FAXDC2: variants seen among roughly 807,000 people sequenced by gnomAD.
The protein encoded by FAXDC2 is fatty acid hydroxylase domain-containing protein 2.
A neutral mutation model predicts 40.9 loss-of-function variants in FAXDC2; 41 were observed. The observed-to-expected ratio is 1.00, with a 90% CI of 0.78 to 1.30. The LOEUF is 1.30. FAXDC2 is among the 50% of genes most tolerant of loss of function. The pLI is 0.00. For synonymous variants in FAXDC2, 157 were observed against 149.3 expected (o/e 1.05, Z -0.38); for missense variants, 390 against 408.8 (o/e 0.95, Z 0.40).
chr5:154,846,652 T>G (rs531899773), intron 1 of FAXDC2, among the ~76,000 whole-genome samples: 1 of 152,004 alleles, frequency 6.6e-6, no homozygotes, highest in East Asian at 1.9e-4. Flanking sequence ...CCCAAAGTGT[T>G]AGGATTACAG....
rs372659190 is a variant in FAXDC2, at chr5:154,820,336, A to T, written c.982T>A (p.Ser328Thr). The change falls in exon 9 of 9, where the codon TCC becomes ACC. Residue 328 changes from serine (S) to threonine (T), a missense_variant. Transcript: ENST00000326080. ...FTPLSESIPD[S>T]PKRME ...GTCTCTCACTCCATCCTCTTTGGGG[A>T]GTCTGGGATGCTCTCAGAGAGCGGG... 4.3e-6 allele frequency: 7 copies of T among 1,611,592 alleles called. No homozygotes were observed. The highest frequency in any genetic ancestry group is 5.9e-6 in the Non-Finnish European group (7 of 1,178,852).
At position 154,823,191 on chromosome 5, in the gene FAXDC2, T is replaced by G. The variant is rs548303402; in HGVS notation, c.572+196A>C. ...CATGCCTGGCTAATTTTTTAAATTT[T>G]TTTGTAGAGACGGGGTCTCCTGACA... On this transcript the variant is annotated intron_variant, in intron 6 of 8. Coordinates refer to ENST00000326080, the MANE Select transcript of FAXDC2 (RefSeq NM_032385.5). 1.3e-4 allele frequency: 73 copies of G among 571,706 alleles called. No individual in the cohort carries two copies. In the South Asian group the frequency reaches 1.5e-3, roughly 11 times the overall value. The allele number at this position is 571,706 out of a possible 1,614,324, so 35.4% of individuals were successfully genotyped here.
intron 5 of FAXDC2, 58 bp from the exon 6 acceptor site, chr5:154,823,650 T>G: frequency 1.4e-6 from 2 of 1,424,822 alleles, no homozygotes; most frequent in Non-Finnish European, 2.0e-6. Flanking sequence ...GGCTCCACCG[T>G]GACCTGCTTA....
chr5:154,836,871 C>T (rs577450705), intron 2 of FAXDC2, among the ~76,000 whole-genome samples: 75 of 152,030 alleles, frequency 4.9e-4, no homozygotes, highest in Non-Finnish European at 8.7e-4. Context: ...GATGGGGTTT[C>T]GCCATGTTGG....
At chr5:154,841,139 C>CAG (rs111316669) in intron 1 of FAXDC2, among the ~76,000 whole-genome samples, 24,819 of 151,994 alleles carry the variant, frequency 0.16, 2,601 homozygotes, top group African/African-American at 0.3. Context: ...TACCCAGAGA[C>CAG]GGGAATGGGT....
intron 5 of FAXDC2, chr5:154,824,283 CT>C: frequency 1.7e-6 from 1 of 588,402 alleles, no homozygotes; most frequent in South Asian, 2.0e-5. Flanking sequence ...CCCTTTGACC[CT>C]TCCCTTTGTC....
Position 154,842,523 on chromosome 5 carries a change from T to TG in FAXDC2, c.1-4346_1-4345insC, listed in dbSNP as rs1350143386. Among the ~76,000 whole-genome samples, 89 of 123,186 alleles carry TG rather than the reference T, an allele frequency of 7.2e-4. 1 individual carries two copies. Among genetic ancestry groups the TG allele is most frequent in the African/African-American group, 2.0e-3 (66 of 32,656 alleles). The allele number at this position is 123,186 out of a possible 152,430, so 80.8% of individuals were successfully genotyped here. A position where few individuals can be genotyped will look rare whatever the true frequency, so the allele number is the denominator to read the frequency against. On this transcript the variant is annotated intron_variant, in intron 1 of 8. Transcript: ENST00000326080. ...TCAGCCCTTTGTGTGTTTTTTTTTTTTTTTTTTTTTTTTTTTTGAGACAGA... is the reference window on the plus strand; with the variant it reads ...TCAGCCCTTTGTGTGTTTTTTTTTTTGTTTTTTTTTTTTTTTTTGAGACAGA...
intron 6 of FAXDC2, 70 bp from the exon 7 acceptor site, chr5:154,822,647 A>G (rs1759918007): frequency 7.9e-7 from 1 of 1,259,236 alleles, no homozygotes; most frequent in Non-Finnish European, 1.2e-6. Context: ...ACCATGAGAA[A>G]CCAAAAATAG....
chr5:154,840,195 C>T (rs566216795), intron 1 of FAXDC2, among the ~76,000 whole-genome samples: 3 of 152,146 alleles, frequency 2.0e-5, no homozygotes, highest in Non-Finnish European at 4.4e-5. Context: ...ATTCTAAATG[C>T]ATGTTTACCA....
intron 1 of FAXDC2, among the ~76,000 whole-genome samples, chr5:154,846,266 GA>G (rs1459407867): frequency 4.7e-5 from 6 of 126,352 alleles, no homozygotes; most frequent in African/African-American, 1.5e-4. Context: ...TAGTGAACTA[GA>G]TAGTGTGTGT....
chr5:154,820,986 T>G (rs1472999281), intron 8 of FAXDC2: 1 of 394,008 alleles, frequency 2.5e-6, no homozygotes, highest in Non-Finnish European at 4.7e-6. Flanking sequence ...GCAGGAGTTT[T>G]ATGCATATAT....
chr5:154,848,584 T>C (rs920439236), intron 1 of FAXDC2, among the ~76,000 whole-genome samples: 1 of 152,082 alleles, frequency 6.6e-6, no homozygotes, highest in African/African-American at 2.4e-5. Context: ...AAGCCTCTGG[T>C]GAAGAGGGTT....
Position 154,838,165 on chromosome 5 carries a change from G to C in FAXDC2, c.14C>G (p.Ala5Gly). Residue 5 changes from alanine to glycine, a missense_variant, in exon 2 of 9, where the codon GCT (alanine) becomes GGT (glycine). By Grantham distance (60) the Ala-to-Gly change is moderately conservative (BLOSUM62 0). Coordinates refer to ENST00000326080, the MANE Select transcript of FAXDC2 (RefSeq NM_032385.5). ...CTTTTCATTGTGTAGCATATGTCCA[G>C]CTTCTCCTTTCATCTGGAATGAGAA... MKGEAGHMLHNEKSK... is the reference protein window; with the variant it reads MKGEGGHMLHNEKSK... 6.2e-7 allele frequency: 1 copy of C among 1,613,628 alleles called. No homozygotes were observed. Among genetic ancestry groups the C allele is most frequent in the Admixed American group, 1.7e-5 (1 of 59,934 alleles).
rs576763210 is a variant in FAXDC2, at chr5:154,848,849, C to T, written c.-1+1634G>A. ...GGGTGTGGTGGTGCACGCCTGTAAT[C>T]CCAGCTGCTCTGGAGGCTGAGACAG... On this transcript the variant is annotated intron_variant, in intron 1 of 8. Coordinates refer to ENST00000326080, the MANE Select transcript of FAXDC2 (RefSeq NM_032385.5). Among the ~76,000 whole-genome samples the T allele has an allele frequency of 2.0e-5, 3 of 151,742 alleles. No individual in the cohort carries two copies. In the East Asian group the frequency reaches 5.8e-4, roughly 29 times the overall value.
intron 1 of FAXDC2, among the ~76,000 whole-genome samples, chr5:154,848,608 A>G (rs948008861): frequency 6.6e-6 from 1 of 152,196 alleles, no homozygotes; most frequent in Non-Finnish European, 1.5e-5. Context: ...AGGAGCTGCT[A>G]TGACTCAACA....
intron 5 of FAXDC2, among the ~76,000 whole-genome samples, chr5:154,829,184 C>T (rs1158869136): frequency 6.6e-6 from 1 of 152,180 alleles, no homozygotes; most frequent in Non-Finnish European, 1.5e-5. Context: ...TGAACCACCA[C>T]GCCCAGGCTT....
At position 154,827,358 on chromosome 5, in the gene FAXDC2, G is replaced by A. The variant is rs983947159; in HGVS notation, c.366+3443C>T. On this transcript the variant is annotated intron_variant, in intron 5 of 8. Coordinates refer to ENST00000326080, the MANE Select transcript of FAXDC2 (RefSeq NM_032385.5). The stretch of plus-strand genomic sequence containing the variant: ...AAATAAGAGTGGACAGACAGGAATT[G>A]GAAACTATAAAGATAACTCTCTCAA... Among the ~76,000 whole-genome samples the A allele has an allele frequency of 4.7e-5, 7 of 150,532 alleles. No homozygotes were observed. In the East Asian group the frequency reaches 1.4e-3, roughly 29 times the overall value.
intron 5 of FAXDC2, chr5:154,824,733 T>TCCTG: frequency 1.7e-6 from 1 of 579,208 alleles, no homozygotes; most frequent in Non-Finnish European, 3.1e-6. Context: ...AAACAAAGAT[T>TCCTG]CCTGCCCCCA....
chr5:154,846,257 A>G (rs1164114421), intron 1 of FAXDC2, among the ~76,000 whole-genome samples: 1 of 143,584 alleles, frequency 7.0e-6, no homozygotes, highest in Non-Finnish European at 1.5e-5. Context: ...AGCCATGAAT[A>G]GTGAACTAGA....
Sources: gnomAD v4.1 joint callset for allele counts (sites outside exome capture counted in the v4.1 genomes callset) on GRCh38, gnomAD v4.1.1 for gene constraint, MANE v1.5 for transcripts, NCBI Gene and HGNC (gene_info 2026-07-23, HGNC 2026-07-21) for gene names.